HSPA14: variants seen among roughly 807,000 people sequenced by gnomAD.
HSPA14 encodes heat shock protein family A (Hsp70) member 14, also known as heat shock 70 kDa protein 14.
Under a neutral mutation model 65.5 loss-of-function variants are expected in HSPA14, and 37 were observed. That is an observed-to-expected ratio of 0.56 (90% CI 0.43 to 0.74). HSPA14 has a LOEUF of 0.74. Among genes scored for constraint, HSPA14 ranks in the 30% least tolerant of loss-of-function variants. The probability of loss-of-function intolerance (pLI) is 0.00; values close to 1 mark genes in which losing one functional copy is unlikely to be tolerated. For synonymous variants in HSPA14, 203 were observed against 214.2 expected, an observed-to-expected ratio of 0.95 and a Z score of 0.46; for missense variants, 564 against 607.6, an observed-to-expected ratio of 0.93 and a Z score of 0.75.
chr10:14,844,023 G>C, intron 3 of HSPA14: 1 of 1,445,414 alleles, frequency 6.9e-7, no homozygotes, highest in African/African-American at 1.4e-5. Context: ...TATCCAGATA[G>C]TATGAAAATA....
Position 14,838,387 on chromosome 10 carries a change from C to G in HSPA14, c.-16C>G. The G allele has an allele frequency of 6.3e-7, 1 of 1,597,802 alleles. No homozygotes were observed. The highest frequency in any genetic ancestry group is 1.8e-4 in the Middle Eastern group (1 of 5,586). On this transcript the variant is annotated 5_prime_UTR_variant, in exon 1 of 14. Transcript: ENST00000378372. ...GGGGACCCCCTCATTCCTGCCGCTGCCGTCCCTGCTGCCTCATGGCGGCCA... is the reference window on the plus strand; with the variant it reads ...GGGGACCCCCTCATTCCTGCCGCTGGCGTCCCTGCTGCCTCATGGCGGCCA...
At chr10:14,839,748 T>G (rs1472148617) in intron 1 of HSPA14, among the ~76,000 whole-genome samples, 157 bp from the exon 2 acceptor site, 1 of 152,196 alleles carries the variant, frequency 6.6e-6, no homozygotes, top group East Asian at 1.9e-4. Context: ...AGGCTTTCTA[T>G]GAAAACGAGG....
intron 10 of HSPA14, 77 bp from the exon 11 acceptor site, chr10:14,867,006 C>T (rs991611769): frequency 2.0e-6 from 2 of 977,776 alleles, no homozygotes; most frequent in African/African-American, 1.6e-5. Context: ...ATGAAGATGA[C>T]TCAGTCTATT....
chr10:14,853,219 T>A (rs1166725899), intron 8 of HSPA14, among the ~76,000 whole-genome samples: 1 of 152,230 alleles, frequency 6.6e-6, no homozygotes, highest in African/African-American at 2.4e-5. Context: ...TACAAAGATG[T>A]TGTTTAAATG....
At chr10:14,850,926 T>C in intron 6 of HSPA14, 1 of 203,046 alleles carries the variant, frequency 4.9e-6, no homozygotes, top group Non-Finnish European at 9.8e-6. Context: ...TTTGAACTTT[T>C]TTTTTTAAAC....
At chr10:14,866,965 G>A (rs1239644073) in intron 10 of HSPA14, 118 bp from the exon 11 acceptor site, 3 of 655,118 alleles carry the variant, frequency 4.6e-6, no homozygotes, top group Non-Finnish European at 8.0e-6. Flanking sequence ...TTAATATATA[G>A]GGCTTTTTTT....
intron 3 of HSPA14, chr10:14,845,356 C>G: frequency 1.0e-6 from 1 of 985,294 alleles, no homozygotes; most frequent in Non-Finnish European, 1.2e-6. Flanking sequence ...TTCTATCTTG[C>G]AGGCTCGAGT....
At chr10:14,843,967 G>T (rs1834010646) in intron 3 of HSPA14, 1 of 1,508,746 alleles carries the variant, frequency 6.6e-7, no homozygotes, top group African/African-American at 1.4e-5. Context: ...CTGAATCCCT[G>T]GCTCCTTTTC....
At chr10:14,860,241 A>G (rs1316175121) in intron 10 of HSPA14, among the ~76,000 whole-genome samples, 1 of 152,194 alleles carries the variant, frequency 6.6e-6, no homozygotes, top group Non-Finnish European at 1.5e-5. Flanking sequence ...CTAGGCATAC[A>G]TTCAAACTTA....
chr10:14,846,644 C>T (rs1166465363), intron 3 of HSPA14: 1 of 945,124 alleles, frequency 1.1e-6, no homozygotes, highest in Non-Finnish European at 1.3e-6. Context: ...AAGTGGGAAA[C>T]TCATAATTGT....
intron 3 of HSPA14, chr10:14,844,907 A>G: frequency 2.0e-6 from 2 of 985,430 alleles, no homozygotes; most frequent in Non-Finnish European, 2.4e-6. Context: ...TATACAGGGC[A>G]AGCCCTAGAA....
chr10:14,845,494 G>T, intron 3 of HSPA14: 1 of 985,376 alleles, frequency 1.0e-6, no homozygotes. Context: ...GTGTGAGGCG[G>T]CTGGTGTGGT....
chr10:14,862,676 T>A (rs1216977480), intron 10 of HSPA14, among the ~76,000 whole-genome samples: 1 of 151,524 alleles, frequency 6.6e-6, no homozygotes, highest in African/African-American at 2.4e-5. Flanking sequence ...TGCCTGGCCT[T>A]CTTTCTTTTC....
At chr10:14,846,306 T>C in intron 3 of HSPA14, 1 of 985,360 alleles carries the variant, frequency 1.0e-6, no homozygotes, top group Non-Finnish European at 1.2e-6. Context: ...ATAAATCTAT[T>C]AATGGTAGCA....
intron 3 of HSPA14, chr10:14,845,195 A>G (rs1290681588): frequency 1.0e-6 from 1 of 985,192 alleles, no homozygotes; most frequent in African/African-American, 1.7e-5. Flanking sequence ...GGAAGACATT[A>G]CTCTCTGTCA....
chr10:14,863,451 A>G (rs928012291), intron 10 of HSPA14, among the ~76,000 whole-genome samples: 17 of 152,294 alleles, frequency 1.1e-4, no homozygotes, highest in African/African-American at 2.6e-4. Context: ...GTAGGTCCCA[A>G]GTCGTCTCTA....
intron 13 of HSPA14, among the ~76,000 whole-genome samples, chr10:14,871,080 C>A (rs1195352190): frequency 1.3e-5 from 2 of 152,180 alleles, no homozygotes; most frequent in Non-Finnish European, 2.9e-5. Context: ...ATTTTCCTAA[C>A]CACAAGCTAT....
intron 9 of HSPA14, among the ~76,000 whole-genome samples, chr10:14,855,599 T>C (rs1207190732): frequency 2.0e-5 from 3 of 152,178 alleles, no homozygotes; most frequent in African/African-American, 7.2e-5. Flanking sequence ...GAATTTGATA[T>C]TATCTTCATA....
chr10:14,846,467 C>G, intron 3 of HSPA14: 1 of 985,246 alleles, frequency 1.0e-6, no homozygotes, highest in Non-Finnish European at 1.2e-6. Flanking sequence ...AATAAGTACA[C>G]AGAAAAATAG....
Sources: gnomAD v4.1 joint callset for allele counts (sites outside exome capture counted in the v4.1 genomes callset) on GRCh38, gnomAD v4.1.1 for gene constraint, MANE v1.5 for transcripts, NCBI Gene and HGNC (gene_info 2026-07-23, HGNC 2026-07-21) for gene names.